The following NR3C1 variants were observed in gnomAD, a reference collection of about 807,000 sequenced individuals.
The protein encoded by NR3C1 is glucocorticoid receptor.
In NR3C1, 14 loss-of-function variants were observed where a neutral mutation model predicts 74.0. The observed-to-expected ratio is 0.19, with a 90% CI of 0.12 to 0.30. NR3C1 has a LOEUF of 0.30. Among genes scored for constraint, NR3C1 ranks in the 10% least tolerant of loss-of-function variants. The probability of loss-of-function intolerance (pLI) is 1.00; values close to 1 mark genes in which losing one functional copy is unlikely to be tolerated. For missense variants in NR3C1, 695 were observed against 909.8 expected, an observed-to-expected ratio of 0.76 and a Z score of 3.04; for synonymous variants, 308 against 332.5, an observed-to-expected ratio of 0.93 and a Z score of 0.80.
upstream of NR3C1, among the ~76,000 whole-genome samples, chr5:143,406,375 T>C (rs140264079): frequency 1.0e-3 from 151 of 151,716 alleles, 3 homozygotes; most frequent in East Asian, 0.022. Flanking sequence ...ATACGTAGTT[T>C]TAAATATGCC....
intron 7 of NR3C1, among the ~76,000 whole-genome samples, chr5:143,284,640 AT>A (rs909133743): frequency 5.3e-5 from 8 of 151,580 alleles, no homozygotes; most frequent in East Asian, 3.9e-4. Flanking sequence ...TCCATCTTAA[AT>A]TTTTTTTTAA....
intron 2 of NR3C1, among the ~76,000 whole-genome samples, chr5:143,398,006 T>C (rs1211805437): frequency 6.6e-6 from 1 of 151,918 alleles, no homozygotes; most frequent in African/African-American, 2.4e-5. Flanking sequence ...CCCCAAGAGT[T>C]TCCTAAGATG....
intron 7 of NR3C1, chr5:143,294,866 T>G: frequency 1.1e-6 from 1 of 910,944 alleles, no homozygotes; most frequent in Non-Finnish European, 1.3e-6. Flanking sequence ...GGATGTATCA[T>G]AGTTTATCAC....
intron 2 of NR3C1, among the ~76,000 whole-genome samples, chr5:143,381,693 C>T (rs1836276514): frequency 6.6e-6 from 1 of 152,102 alleles, no homozygotes; most frequent in South Asian, 2.1e-4. Context: ...AGGACAGTCT[C>T]TTCAATAAAT....
rs1812602590 is a variant in NR3C1, at chr5:143,278,057, GA to G, written c.*3831del. 6.6e-6 allele frequency: 1 copy of G among 151,936 alleles called. No individual in the cohort carries two copies. The highest frequency in any genetic ancestry group is 1.5e-5 in the Non-Finnish European group (1 of 67,976). 9.4% of individuals were successfully genotyped at this position (151,936 alleles called of 1,614,324 possible). On this transcript the variant is annotated 3_prime_UTR_variant, in exon 9 of 9. Transcript: ENST00000394464. ...TAATACCAGAACAGCAAATTTAAATGAAAAAATAAAAGTTAAACATTTCCAC... is the reference window on the plus strand; with the variant it reads ...TAATACCAGAACAGCAAATTTAAATGAAAAATAAAAGTTAAACATTTCCAC...
At chr5:143,348,173 C>T (rs1287072270) in intron 2 of NR3C1, among the ~76,000 whole-genome samples, 2 of 152,146 alleles carry the variant, frequency 1.3e-5, no homozygotes, top group Admixed American at 6.6e-5. Flanking sequence ...CTCGTGTTTC[C>T]GGTAGCATAC....
intron 3 of NR3C1, 84 bp from the exon 4 acceptor site, chr5:143,310,297 G>T: frequency 3.0e-6 from 3 of 986,774 alleles, no homozygotes; most frequent in South Asian, 1.3e-5. Context: ...TGTTTCCGGT[G>T]GAATATAACC....
chr5:143,399,208 CTT>C (rs1839790193), intron 2 of NR3C1, among the ~76,000 whole-genome samples: 1 of 152,156 alleles, frequency 6.6e-6, no homozygotes, highest in Non-Finnish European at 1.5e-5. Context: ...CAAGCTAACA[CTT>C]AACGAATTTA....
In NR3C1 at chr5:143,338,202, G is replaced by A. The variant is rs967263630; in HGVS notation, c.1185-24034C>T. 1.3e-4 allele frequency among the ~76,000 whole-genome samples: 20 copies of A among 152,224 alleles called. No individual in the cohort carries two copies. In the East Asian group the frequency reaches 1.5e-3, roughly 12 times the overall value. ...TGATGCTGGTATAAACAAACCTACC[G>A]TGCTACCAGTTATAGAAAAGTACAG... On this transcript the variant is annotated intron_variant, in intron 2 of 8. Coordinates refer to ENST00000394464, the MANE Select transcript of NR3C1 (RefSeq NM_000176.3).
chr5:143,391,689 A>T (rs1184567434), intron 2 of NR3C1, among the ~76,000 whole-genome samples: 1 of 152,170 alleles, frequency 6.6e-6, no homozygotes, highest in Non-Finnish European at 1.5e-5. Context: ...TCAAAAAATA[A>T]TAAAACTGAA....
chr5:143,357,370 A>C (rs1305200036), intron 2 of NR3C1, among the ~76,000 whole-genome samples: 1 of 152,222 alleles, frequency 6.6e-6, no homozygotes, highest in Non-Finnish European at 1.5e-5. Context: ...CACTTTGTCA[A>C]TTTAACAAAA....
rs1172308016 is a variant in NR3C1, at chr5:143,411,452, G to A, written c.-13-10600C>T. On this transcript the variant is annotated intron_variant, in intron 1 of 8. Transcript: ENST00000343796. ...ATTTTTGTTGCTTCACTTTTATCTC[G>A]CTCATTAATGTAAAAATATCAACCA... 5.3e-5 allele frequency among the ~76,000 whole-genome samples: 8 copies of A among 152,104 alleles called. No homozygotes were observed. In the East Asian group the frequency reaches 7.7e-4, roughly 15 times the overall value.
At position 143,383,485 on chromosome 5, in the gene NR3C1, A is replaced by C. The variant is rs146862977; in HGVS notation, c.1184+16171T>G. Among the ~76,000 whole-genome samples the C allele has an allele frequency of 2.9e-3, 436 of 152,362 alleles. 1 individual carries two copies. Among genetic ancestry groups the C allele is most frequent in the Non-Finnish European group, 4.6e-3 (310 of 68,022 alleles). On this transcript the variant is annotated intron_variant, in intron 2 of 8. Transcript: ENST00000394464. ...ATATATAAACAGTATTAATTCAACAAACATTTACTGGGTACCTACTATGTG... is the reference window on the plus strand; with the variant it reads ...ATATATAAACAGTATTAATTCAACACACATTTACTGGGTACCTACTATGTG...
At chr5:143,308,851 G>A (rs768631024) in intron 4 of NR3C1, among the ~76,000 whole-genome samples, 51 of 152,118 alleles carry the variant, frequency 3.4e-4, no homozygotes, top group Non-Finnish European at 5.6e-4. Flanking sequence ...TGACTGCCTT[G>A]TTGGTGCATA....
In NR3C1 at chr5:143,399,809, T is replaced by C. The variant is rs750359967; in HGVS notation, c.1031A>G (p.Gln344Arg). ...ATTAAAAATAGGCTTCTGATCCTGCTGTTGAGAAAGGGATGCTGTATTCAT... is the reference window on the plus strand; with the variant it reads ...ATTAAAAATAGGCTTCTGATCCTGCCGTTGAGAAAGGGATGCTGTATTCAT... ...YDMNTASLSQ[Q>R]QDQKPIFNVI... Residue 344 changes from glutamine (Q) to arginine (R), a missense_variant, in exon 2 of 9, where the codon CAG becomes CGG. This residue lies in a region of NR3C1 where 497 missense variants were observed against 489.5 expected (regional missense o/e 1.02). Coordinates refer to ENST00000394464, the MANE Select transcript of NR3C1 (RefSeq NM_000176.3). The C allele has an allele frequency of 6.2e-7, 1 of 1,614,220 alleles. No individual in the cohort carries two copies. The highest frequency in any genetic ancestry group is 1.1e-5 in the South Asian group (1 of 91,088).
chr5:143,310,459 T>TA (rs565485314), intron 3 of NR3C1, among the ~76,000 whole-genome samples: 65 of 152,112 alleles, frequency 4.3e-4, no homozygotes, highest in African/African-American at 1.6e-3. Flanking sequence ...TATTCACATA[T>TA]AAAAAAAGTA....
chr5:143,432,247 A>G (rs185398620), intron 1 of NR3C1, among the ~76,000 whole-genome samples: 60 of 152,352 alleles, frequency 3.9e-4, no homozygotes, highest in African/African-American at 1.4e-3. Context: ...TCGCTGAATT[A>G]TACATTTAAA....
At chr5:143,286,159 C>T (rs537396982) in intron 7 of NR3C1, among the ~76,000 whole-genome samples, 15 of 152,186 alleles carry the variant, frequency 9.9e-5, no homozygotes, top group Non-Finnish European at 1.5e-4. Context: ...CAACAAAGCT[C>T]ACTCAAGAAT....
At chr5:143,422,605 C>T (rs1716515946) in intron 1 of NR3C1, among the ~76,000 whole-genome samples, 1 of 152,166 alleles carries the variant, frequency 6.6e-6, no homozygotes, top group Non-Finnish European at 1.5e-5. Context: ...CTTCTTTACC[C>T]CTTCCCACCA....
Sources: allele counts gnomAD v4.1 joint callset (sites outside exome capture counted in the v4.1 genomes callset), GRCh38; gene constraint gnomAD v4.1.1; regional missense constraint gnomAD v4.1.1; transcripts MANE v1.5; gene names NCBI Gene and HGNC (gene_info 2026-07-23, HGNC 2026-07-21).